The following CACNG3 variants were observed in gnomAD, a reference collection of about 807,000 sequenced individuals.
CACNG3 encodes the protein voltage-dependent calcium channel gamma-3 subunit.
Under a neutral mutation model 28.5 loss-of-function variants are expected in CACNG3, and 3 were observed. The observed-to-expected ratio is 0.11, with a 90% CI of 0.05 to 0.27. The LOEUF is 0.27. Among genes scored for constraint, CACNG3 ranks in the 10% least tolerant of loss-of-function variants. The pLI, the probability that CACNG3 is intolerant of heterozygous loss-of-function variation, is 1.00. For synonymous variants in CACNG3, 174 were observed against 162.2 expected (o/e 1.07, Z -0.55); for missense variants, 236 against 414.4 (o/e 0.57, Z 3.74).
intron 2 of CACNG3, among the ~76,000 whole-genome samples, chr16:24,352,981 T>C (rs1378051117): frequency 1.3e-5 from 2 of 151,692 alleles, no homozygotes; most frequent in Non-Finnish European, 2.9e-5. Context: ...TTTGTTTTTG[T>C]TTGTTTGTTT....
intron 1 of CACNG3, among the ~76,000 whole-genome samples, chr16:24,282,517 C>T (rs1486701752): frequency 6.6e-6 from 1 of 151,894 alleles, no homozygotes; most frequent in East Asian, 1.9e-4. Flanking sequence ...CCTCGTGATC[C>T]GCCCACCTCA....
At chr16:24,270,422 G>C (rs1208290613) in intron 1 of CACNG3, among the ~76,000 whole-genome samples, 1 of 152,168 alleles carries the variant, frequency 6.6e-6, no homozygotes, top group African/African-American at 2.4e-5. Flanking sequence ...AGATGAATCT[G>C]GCAGGCAATC....
At chr16:24,279,661 T>TATA (rs1898798615) in intron 1 of CACNG3, among the ~76,000 whole-genome samples, 1 of 152,162 alleles carries the variant, frequency 6.6e-6, no homozygotes. Context: ...ATAGCAATAA[T>TATA]AGAATCCTAT....
chr16:24,296,098 C>T (rs1239768932), intron 1 of CACNG3, among the ~76,000 whole-genome samples: 1 of 152,168 alleles, frequency 6.6e-6, no homozygotes, highest in African/African-American at 2.4e-5. Context: ...GATTCAGGTC[C>T]AAGTCTGCCC....
At chr16:24,358,089 C>G (rs1340054131) in intron 3 of CACNG3, among the ~76,000 whole-genome samples, 1 of 151,302 alleles carries the variant, frequency 6.6e-6, no homozygotes, top group African/African-American at 2.4e-5. Context: ...ATTCACTACT[C>G]TCTAAGGCTG....
At chr16:24,306,723 CT>C (rs1017598346) in intron 1 of CACNG3, among the ~76,000 whole-genome samples, 1 of 152,158 alleles carries the variant, frequency 6.6e-6, no homozygotes, top group Non-Finnish European at 1.5e-5. Flanking sequence ...ATAATAACCT[CT>C]GCTTGCACTG....
chr16:24,327,375 C>T (rs1046983462), intron 1 of CACNG3, among the ~76,000 whole-genome samples: 3 of 145,578 alleles, frequency 2.1e-5, no homozygotes, highest in African/African-American at 5.1e-5. Context: ...ACCAGGAGTT[C>T]GAAAGCAGCC....
At chr16:24,288,733 G>A (rs954556248) in intron 1 of CACNG3, among the ~76,000 whole-genome samples, 1 of 152,218 alleles carries the variant, frequency 6.6e-6, no homozygotes, top group Non-Finnish European at 1.5e-5. Flanking sequence ...ACTAGTGTGA[G>A]TGATTCTATT....
In CACNG3 at chr16:24,361,542, C is replaced by G; in HGVS notation, c.627C>G (p.Ala209=). Reference sequence around the variant, plus strand: ...TTGAAAAACATCAGCAGTTACGAGCCAAATCCCACTCGGAGTTCCTGAAGA... The same window carrying G: ...TTGAAAAACATCAGCAGTTACGAGCGAAATCCCACTCGGAGTTCCTGAAGA... ...IYIEKHQQLR[A]KSHSEFLKKS... The change falls in exon 4 of 4, where the codon GCC becomes GCG. Residue 209 remains alanine (A), a synonymous_variant. Transcript: ENST00000005284. The surrounding 1 kb of genome is among the most constrained non-coding windows in gnomAD (Gnocchi z 6.8). The G allele has an allele frequency of 6.2e-7, 1 of 1,614,110 alleles. No individual in the cohort carries two copies.
At chr16:24,320,235 G>A (rs1414619184) in intron 1 of CACNG3, among the ~76,000 whole-genome samples, 1 of 152,194 alleles carries the variant, frequency 6.6e-6, no homozygotes, top group Non-Finnish European at 1.5e-5. Context: ...AAATTCAAAT[G>A]TTTAGGATTT....
At chr16:24,346,972 G>T (rs1899878318) in intron 2 of CACNG3, among the ~76,000 whole-genome samples, 155 bp downstream of exon 2, 1 of 152,130 alleles carries the variant, frequency 6.6e-6, no homozygotes, top group African/African-American at 2.4e-5. Context: ...ACACTCAAGT[G>T]GTTCTGAGAG....
At chr16:24,298,002 T>C (rs200506188) in intron 1 of CACNG3, among the ~76,000 whole-genome samples, 13,492 of 151,938 alleles carry the variant, frequency 0.089, 1,117 homozygotes, top group African/African-American at 0.22. Flanking sequence ...TGTGTGTGTG[T>C]GTGTGTGTGT....
intron 1 of CACNG3, among the ~76,000 whole-genome samples, chr16:24,271,071 A>T (rs1474680221): frequency 6.6e-6 from 1 of 152,186 alleles, no homozygotes; most frequent in Non-Finnish European, 1.5e-5. Flanking sequence ...AATTGTAAGG[A>T]CTTTGACTCT....
intron 1 of CACNG3, among the ~76,000 whole-genome samples, chr16:24,324,098 TA>T (rs2141371065): frequency 1.3e-5 from 2 of 152,284 alleles, no homozygotes; most frequent in South Asian, 4.2e-4. Flanking sequence ...ATACATTTTT[TA>T]TTGAATTCTC....
intron 3 of CACNG3, among the ~76,000 whole-genome samples, chr16:24,356,965 A>C (rs996046797): frequency 6.6e-6 from 1 of 151,558 alleles, no homozygotes. Flanking sequence ...TTATAAAATC[A>C]TCAGATCATG....
chr16:24,355,247 GAA>G (rs1453469705), intron 3 of CACNG3, among the ~76,000 whole-genome samples: 1 of 152,030 alleles, frequency 6.6e-6, no homozygotes, highest in African/African-American at 2.4e-5. Flanking sequence ...GCAGGAGAGA[GAA>G]AGAGAAAAGG....
intron 1 of CACNG3, among the ~76,000 whole-genome samples, chr16:24,306,188 C>T (rs974890436): frequency 3.9e-5 from 6 of 152,186 alleles, no homozygotes; most frequent in Non-Finnish European, 8.8e-5. Context: ...GTGGGCTTTT[C>T]TTGGAGCCAC....
rs998271415 is a variant in CACNG3, at chr16:24,276,498, G to T, written c.211+19533G>T. ...GACTAACTTCATATAGTTGAGGAGAGAAACTAAAAGAGCTATTTCCATACT... is the reference window on the plus strand; with the variant it reads ...GACTAACTTCATATAGTTGAGGAGATAAACTAAAAGAGCTATTTCCATACT... On this transcript the variant is annotated intron_variant, in intron 1 of 3. Coordinates refer to ENST00000005284, the MANE Select transcript of CACNG3 (RefSeq NM_006539.4). 4.8e-4 allele frequency among the ~76,000 whole-genome samples: 73 copies of T among 152,206 alleles called. 1 individual carries two copies. Among genetic ancestry groups the T allele is most frequent in the African/African-American group, 1.7e-3 (70 of 41,450 alleles).
At chr16:24,310,595 G>T (rs926423005) in intron 1 of CACNG3, among the ~76,000 whole-genome samples, 1 of 136,954 alleles carries the variant, frequency 7.3e-6, no homozygotes. Context: ...CCAAAATAGT[G>T]TTTATGACAT....
Sources: gnomAD v4.1 joint callset for allele counts (sites outside exome capture counted in the v4.1 genomes callset) on GRCh38, gnomAD v4.1.1 for gene constraint, Gnocchi (gnomAD v3.1) non-coding constraint, MANE v1.5 for transcripts, NCBI Gene and HGNC (gene_info 2026-07-23, HGNC 2026-07-21) for gene names.